PPP2R2C: variants seen among roughly 807,000 people sequenced by gnomAD.
PPP2R2C encodes the protein protein phosphatase 2 regulatory subunit Bgamma, also known as protein phosphatase 2, regulatory subunit B, gamma.
In PPP2R2C, 10 loss-of-function variants were observed where a neutral mutation model predicts 45.3. That is an observed-to-expected ratio of 0.22 (90% CI 0.14 to 0.37). The LOEUF (loss-of-function observed/expected upper bound fraction) is 0.37, where lower values mean the gene tolerates loss of function less well. PPP2R2C is among the 10% of genes least tolerant of loss of function. PPP2R2C has a pLI of 1.00. For synonymous variants in PPP2R2C, 257 were observed against 245.4 expected (o/e 1.05, Z -0.44); for missense variants, 308 against 619.7 (o/e 0.50, Z 5.34).
Position 6,563,050 on chromosome 4 carries a change from T to C in PPP2R2C, c.-59+510A>G, listed in dbSNP as rs1725633081. On this transcript the variant is annotated intron_variant, in intron 1 of 9. Coordinates refer to the PPP2R2C transcript ENST00000506140. The surrounding 1 kb of genome is among the most constrained non-coding windows in gnomAD (Gnocchi z 5.8). ...CGGCGCGGGCAGCGGGAGGAGCGCG[T>C]AGACGCTGCTGGATGGTACCCGCGG... Among the ~76,000 whole-genome samples, 1 of 151,402 alleles carries C rather than the reference T, an allele frequency of 6.6e-6. No individual in the cohort carries two copies. The highest frequency in any genetic ancestry group is 1.5e-5 in the Non-Finnish European group (1 of 67,940).
chr4:6,535,669 G>C (rs1321118116), intron 1 of PPP2R2C, among the ~76,000 whole-genome samples: 2 of 152,220 alleles, frequency 1.3e-5, no homozygotes, highest in African/African-American at 4.8e-5. Context: ...TCTGTCGTTT[G>C]TCTTCAAACT....
chr4:6,547,057 C>T (rs1271567961), intron 1 of PPP2R2C, among the ~76,000 whole-genome samples: 8 of 152,208 alleles, frequency 5.3e-5, no homozygotes, highest in Non-Finnish European at 1.0e-4. Context: ...TTGGGGGAAA[C>T]TTGTGCAAGC....
At chr4:6,454,564 T>C (rs1720913864) in intron 1 of PPP2R2C, among the ~76,000 whole-genome samples, 2 of 152,144 alleles carry the variant, frequency 1.3e-5, no homozygotes. Flanking sequence ...CCCAGATCAG[T>C]CCACCCACCA....
intron 1 of PPP2R2C, among the ~76,000 whole-genome samples, chr4:6,417,359 C>G (rs1165279265): frequency 6.6e-6 from 1 of 152,262 alleles, no homozygotes; most frequent in South Asian, 2.1e-4. Context: ...GACCATTACC[C>G]TTGTTCCACT....
Position 6,483,130 on chromosome 4 carries a change from G to T in PPP2R2C, c.49+52141C>A, listed in dbSNP as rs549762007. Among the ~76,000 whole-genome samples the T allele has an allele frequency of 2.6e-3, 256 of 98,068 alleles. 1 individual carries two copies. The highest frequency in any genetic ancestry group is 0.01 in the African/African-American group (249 of 24,700). The allele number at this position is 98,068 out of a possible 152,430, so 64.3% of individuals were successfully genotyped here. ...AGATAAATGGATAGATAGATAGATAGATAGATAGATAGATTGATTGATTGA... is the reference window on the plus strand; with the variant it reads ...AGATAAATGGATAGATAGATAGATATATAGATAGATAGATTGATTGATTGA... On this transcript the variant is annotated intron_variant, in intron 2 of 9. Transcript: ENST00000506140.
chr4:6,527,707 C>T (rs185672907), intron 2 of PPP2R2C, among the ~76,000 whole-genome samples: 8 of 152,126 alleles, frequency 5.3e-5, no homozygotes, highest in African/African-American at 1.7e-4. Context: ...ATTTTCCAGG[C>T]CCGGTGCAAA....
rs141496741 is a variant in PPP2R2C, at chr4:6,391,389, C to T, written c.71-10295G>A. On this transcript the variant is annotated intron_variant, in intron 1 of 8. Transcript: ENST00000382599. The stretch of plus-strand genomic sequence containing the variant: ...CATGGCAGGCGCTGTGCAGGGAACT[C>T]GCCCTTATTGCCACATTGAATCCTC... Among the ~76,000 whole-genome samples the T allele has an allele frequency of 3.6e-3, 545 of 152,300 alleles. 11 individuals are homozygous for T. The East Asian group carries it at 0.038, about 11-fold the overall frequency.
intron 1 of PPP2R2C, among the ~76,000 whole-genome samples, chr4:6,459,497 A>C (rs73207835): frequency 0.093 from 14,208 of 152,312 alleles, 857 homozygotes; most frequent in Non-Finnish European, 0.14. Flanking sequence ...ATGCTACCAG[A>C]AACAACAAAC....
intron 5 of PPP2R2C, among the ~76,000 whole-genome samples, chr4:6,371,318 C>A (rs1032077862): frequency 1.2e-4 from 18 of 152,238 alleles, no homozygotes; most frequent in Non-Finnish European, 2.6e-4. Flanking sequence ...GCCCAGGGGT[C>A]TCTGGCTGTG....
chr4:6,439,009 T>G (rs995996777), intron 1 of PPP2R2C, among the ~76,000 whole-genome samples: 6 of 152,188 alleles, frequency 3.9e-5, no homozygotes, highest in Non-Finnish European at 8.8e-5. Context: ...TTATTGAATC[T>G]CTGAACAGTG....
At chr4:6,519,781 C>A (rs1278160089) in intron 2 of PPP2R2C, among the ~76,000 whole-genome samples, 1 of 152,150 alleles carries the variant, frequency 6.6e-6, no homozygotes, top group Admixed American at 6.5e-5. Flanking sequence ...TGCCAGCAAC[C>A]AAGCCCCTCA....
intron 1 of PPP2R2C, among the ~76,000 whole-genome samples, chr4:6,444,863 C>T (rs1384454073): frequency 1.3e-5 from 2 of 152,196 alleles, no homozygotes; most frequent in Non-Finnish European, 2.9e-5. Context: ...CATGTGTTCA[C>T]CTTCACATCC....
intron 2 of PPP2R2C, among the ~76,000 whole-genome samples, chr4:6,482,796 G>T (rs925960973): frequency 1.2e-4 from 19 of 152,122 alleles, no homozygotes; most frequent in African/African-American, 4.1e-4. Flanking sequence ...CTTTGTCTTA[G>T]TTCTAGCAAT....
intron 2 of PPP2R2C, among the ~76,000 whole-genome samples, chr4:6,481,722 T>C (rs998141783): frequency 6.6e-6 from 1 of 152,126 alleles, no homozygotes; most frequent in African/African-American, 2.4e-5. Context: ...CTCACGCCTG[T>C]AATCCCAACA....
At chr4:6,377,842 G>C (rs1560496118) in intron 3 of PPP2R2C, among the ~76,000 whole-genome samples, 1 of 152,084 alleles carries the variant, frequency 6.6e-6, no homozygotes, top group Admixed American at 6.5e-5. Flanking sequence ...CAGGCGTCAG[G>C]CCGAGAGCCT....
chr4:6,405,281 G>A (rs1480872511), intron 1 of PPP2R2C, among the ~76,000 whole-genome samples: 2 of 152,198 alleles, frequency 1.3e-5, no homozygotes, highest in Non-Finnish European at 2.9e-5. Context: ...CGGCTCCATA[G>A]CCACTCTGCT....
At position 6,329,439 on chromosome 4, in the gene PPP2R2C, G is replaced by C; in HGVS notation, c.961-86C>G. 1.7e-6 allele frequency: 2 copies of C among 1,182,016 alleles called. No homozygotes were observed. Among genetic ancestry groups the C allele is most frequent in the Non-Finnish European group, 2.5e-6 (2 of 796,288 alleles). The allele number at this position is 1,182,016 out of a possible 1,614,324, so 73.2% of individuals were successfully genotyped here. ...AAGAAGGGTCTCAAAGAGCAGCGAG[G>C]GTCTGCATGCCCTGACATGGCCCAG... On this transcript the variant is annotated intron_variant, in intron 7 of 8. Transcript: ENST00000382599. The surrounding 1 kb of genome is among the most constrained non-coding windows in gnomAD (Gnocchi z 5.8).
At chr4:6,486,748 G>A (rs1171082980) in intron 2 of PPP2R2C, among the ~76,000 whole-genome samples, 2 of 152,044 alleles carry the variant, frequency 1.3e-5, no homozygotes, top group Non-Finnish European at 2.9e-5. Flanking sequence ...TATATTTCAA[G>A]TGGGTTGCAT....
intron 2 of PPP2R2C, among the ~76,000 whole-genome samples, chr4:6,504,110 G>A (rs1723145329): frequency 6.6e-6 from 1 of 152,200 alleles, no homozygotes; most frequent in African/African-American, 2.4e-5. Flanking sequence ...AGAAGTAGCT[G>A]ACAGCATGTG....
Sources: allele counts gnomAD v4.1 joint callset (sites outside exome capture counted in the v4.1 genomes callset), GRCh38; gene constraint gnomAD v4.1.1; non-coding constraint Gnocchi (gnomAD v3.1); transcripts MANE v1.5; gene names NCBI Gene and HGNC (gene_info 2026-07-23, HGNC 2026-07-21).